The following CDH13 variants were observed in gnomAD, a reference collection of about 807,000 sequenced individuals.
CDH13 encodes the protein cadherin-13.
In CDH13, 24 loss-of-function variants were observed where a neutral mutation model predicts 63.8. The observed-to-expected ratio is 0.38, with a 90% CI of 0.27 to 0.53. CDH13 has a LOEUF of 0.53. Ranked by LOEUF, CDH13 falls within the 20% of genes least tolerant of loss-of-function variation. CDH13 has a pLI of 0.85. For synonymous variants in CDH13, 503 were observed against 355.3 expected, an observed-to-expected ratio of 1.42 and a Z score of -4.67; for missense variants, 1,049 against 903.1, an observed-to-expected ratio of 1.16 and a Z score of -2.07.
At chr16:83,064,115 A>C (rs1265140488) in intron 3 of CDH13, among the ~76,000 whole-genome samples, 1 of 152,192 alleles carries the variant, frequency 6.6e-6, no homozygotes, top group African/African-American at 2.4e-5. Flanking sequence ...TCATGCCTGT[A>C]ATCCCAGCAC....
At chr16:82,679,393 C>T (rs1914295405) in intron 1 of CDH13, among the ~76,000 whole-genome samples, 1 of 152,188 alleles carries the variant, frequency 6.6e-6, no homozygotes, top group Non-Finnish European at 1.5e-5. Context: ...CCAACATAAT[C>T]TAGTTTACCT....
intron 5 of CDH13, among the ~76,000 whole-genome samples, chr16:83,244,953 C>G (rs1480073115): frequency 1.3e-5 from 2 of 152,078 alleles, no homozygotes; most frequent in Non-Finnish European, 2.9e-5. Flanking sequence ...TAAGCCATAT[C>G]TATTTGTACG....
intron 1 of CDH13, among the ~76,000 whole-genome samples, chr16:82,640,217 T>C (rs1363776325): frequency 6.6e-6 from 1 of 152,240 alleles, no homozygotes; most frequent in Non-Finnish European, 1.5e-5. Flanking sequence ...GACAGAGGAT[T>C]CTTTGTTCTG....
intron 5 of CDH13, among the ~76,000 whole-genome samples, chr16:83,297,774 T>C (rs1278291158): frequency 6.6e-6 from 1 of 152,106 alleles, no homozygotes; most frequent in Admixed American, 6.5e-5. Context: ...AACATACAAA[T>C]GACCAAAGGA....
At chr16:83,720,651 C>T (rs1282183815) in intron 10 of CDH13, among the ~76,000 whole-genome samples, 1 of 152,098 alleles carries the variant, frequency 6.6e-6, no homozygotes, top group African/African-American at 2.4e-5. Flanking sequence ...CAGACCATCT[C>T]GTTTTCACAG....
At chr16:83,431,412 G>C (rs893711077) in intron 6 of CDH13, among the ~76,000 whole-genome samples, 1 of 151,886 alleles carries the variant, frequency 6.6e-6, no homozygotes, top group Non-Finnish European at 1.5e-5. Context: ...AGGAGATGAT[G>C]GCAGAGAGGA....
At chr16:82,985,596 C>A (rs1023494643) in intron 2 of CDH13, among the ~76,000 whole-genome samples, 6 of 152,102 alleles carry the variant, frequency 3.9e-5, no homozygotes, top group Non-Finnish European at 8.8e-5. Flanking sequence ...ATCACTTTTG[C>A]CACTTCCCAT....
intron 10 of CDH13, among the ~76,000 whole-genome samples, chr16:83,746,733 C>A (rs973285587): frequency 1.3e-5 from 2 of 152,202 alleles, no homozygotes; most frequent in Admixed American, 1.3e-4. Flanking sequence ...GAAATGGCAG[C>A]AAAGTGCCAA....
At chr16:82,773,919 G>T (rs1175393028) in intron 1 of CDH13, among the ~76,000 whole-genome samples, 15 of 152,044 alleles carry the variant, frequency 9.9e-5, no homozygotes, top group Admixed American at 9.2e-4. Context: ...AAGTAGCTGG[G>T]ATTACAGCCA....
At chr16:82,850,625 C>T (rs2039443053) in intron 1 of CDH13, among the ~76,000 whole-genome samples, 1 of 152,178 alleles carries the variant, frequency 6.6e-6, no homozygotes, top group South Asian at 2.1e-4. Flanking sequence ...GGGTTAGATG[C>T]TACCAAATAG....
intron 3 of CDH13, among the ~76,000 whole-genome samples, chr16:83,112,312 T>G (rs569416998): frequency 1.3e-5 from 2 of 152,288 alleles, no homozygotes; most frequent in South Asian, 4.1e-4. Flanking sequence ...GTGAAGACAT[T>G]CAGAGATCCA....
At position 82,647,714 on chromosome 16, in the gene CDH13, A is replaced by T. The variant is rs1910261382; in HGVS notation, c.45+20577A>T. On this transcript the variant is annotated intron_variant, in intron 1 of 13. Coordinates refer to ENST00000567109, the MANE Select transcript of CDH13 (RefSeq NM_001257.5). Reference sequence around the variant, plus strand: ...GCCTCAGAGAAAGCAGTCAGTGAAGAGGTGTAGATATTTGCAGTTGGAAGT... The same window carrying T: ...GCCTCAGAGAAAGCAGTCAGTGAAGTGGTGTAGATATTTGCAGTTGGAAGT... Among the ~76,000 whole-genome samples, 3 of 152,172 alleles carry T rather than the reference A, an allele frequency of 2.0e-5. No individual in the cohort carries two copies. In the South Asian group the frequency reaches 6.2e-4, roughly 32 times the overall value.
At chr16:83,338,224 C>G (rs2090643581) in intron 5 of CDH13, among the ~76,000 whole-genome samples, 1 of 147,542 alleles carries the variant, frequency 6.8e-6, no homozygotes, top group Non-Finnish European at 1.5e-5. Flanking sequence ...GTTTAATGTA[C>G]TCTGATATTG....
At chr16:83,673,539 C>G (rs927526485) in intron 9 of CDH13, among the ~76,000 whole-genome samples, 11 of 151,768 alleles carry the variant, frequency 7.2e-5, no homozygotes, top group Non-Finnish European at 1.0e-4. Context: ...GCCTATTAAC[C>G]AACCTTGGCA....
At chr16:82,871,388 T>A (rs2040336754) in intron 2 of CDH13, among the ~76,000 whole-genome samples, 1 of 152,034 alleles carries the variant, frequency 6.6e-6, no homozygotes, top group East Asian at 1.9e-4. Flanking sequence ...TGTATGTATA[T>A]CAGAGGAGAG....
intron 2 of CDH13, among the ~76,000 whole-genome samples, chr16:82,952,353 A>T (rs967247553): frequency 6.6e-6 from 1 of 152,144 alleles, no homozygotes; most frequent in African/African-American, 2.4e-5. Flanking sequence ...TGGTATTTCT[A>T]TATGCAAAGC....
intron 6 of CDH13, among the ~76,000 whole-genome samples, chr16:83,377,037 A>G (rs932480902): frequency 2.0e-5 from 3 of 152,172 alleles, no homozygotes; most frequent in African/African-American, 7.2e-5. Flanking sequence ...AGCACTATTC[A>G]TGGGAATAAA....
At chr16:83,290,213 T>G (rs2151864839) in intron 5 of CDH13, among the ~76,000 whole-genome samples, 1 of 152,332 alleles carries the variant, frequency 6.6e-6, no homozygotes, top group South Asian at 2.1e-4. Context: ...TCAATTCTAT[T>G]TTAATTGTTA....
At chr16:82,862,008 T>A (rs2039965542) in intron 2 of CDH13, among the ~76,000 whole-genome samples, 1 of 152,146 alleles carries the variant, frequency 6.6e-6, no homozygotes, top group African/African-American at 2.4e-5. Flanking sequence ...AAAGGAGAAG[T>A]CAGCTTAGAA....
Sources: gnomAD v4.1 joint callset for allele counts (sites outside exome capture counted in the v4.1 genomes callset) on GRCh38, gnomAD v4.1.1 for gene constraint, MANE v1.5 for transcripts, NCBI Gene and HGNC (gene_info 2026-07-23, HGNC 2026-07-21) for gene names.